Variants in PTGIS observed in about 807,000 individuals in gnomAD.
PTGIS encodes the protein prostaglandin I2 synthase.
PTGIS carries 45 observed loss-of-function variants against 50.3 expected under a neutral mutation model. That is an observed-to-expected ratio of 0.90 (90% CI 0.70 to 1.15). The LOEUF (loss-of-function observed/expected upper bound fraction) is 1.15. Ranked by LOEUF, PTGIS falls within the 50% of genes most tolerant of loss-of-function variation. The pLI, the probability that PTGIS is intolerant of heterozygous loss-of-function variation, is 0.00. For missense variants in PTGIS, 668 were observed against 661.3 expected (o/e 1.01, Z -0.11); for synonymous variants, 260 against 267.7 (o/e 0.97, Z 0.28).
chr20:49,542,657 C>G (rs1417077411), intron 4 of PTGIS, among the ~76,000 whole-genome samples: 2 of 152,214 alleles, frequency 1.3e-5, no homozygotes, highest in Admixed American at 1.3e-4. Flanking sequence ...CTCTGGACCT[C>G]AGTCCCCATC....
At chr20:49,551,806 T>TTGTGTGTGTG (rs58517059) in intron 1 of PTGIS, among the ~76,000 whole-genome samples, 7 of 142,680 alleles carry the variant, frequency 4.9e-5, no homozygotes, top group Admixed American at 1.4e-4. Flanking sequence ...GTGTATGTGT[T>TTGTGTGTGTG]TGTGTGTGTG....
intron 5 of PTGIS, among the ~76,000 whole-genome samples, chr20:49,531,320 G>A (rs1981929184): frequency 6.6e-6 from 1 of 152,182 alleles, no homozygotes; most frequent in African/African-American, 2.4e-5. Context: ...TGAGCTTGGT[G>A]GCTCAACCTG....
intron 4 of PTGIS, among the ~76,000 whole-genome samples, chr20:49,544,050 T>C (rs1283963844): frequency 1.3e-5 from 2 of 152,238 alleles, no homozygotes; most frequent in Admixed American, 6.5e-5. Context: ...TCTGAAGTCT[T>C]GCTCTGTGAC....
Position 49,540,001 on chromosome 20 carries a change from G to A in PTGIS, c.522-280C>T, listed in dbSNP as rs1395656043. On this transcript the variant is annotated intron_variant, in intron 4 of 9. Coordinates refer to ENST00000244043, the MANE Select transcript of PTGIS (RefSeq NM_000961.4). The surrounding 1 kb of genome is among the most constrained non-coding windows in gnomAD (Gnocchi z 4.8). ...CCGCGGCACTGTCAGACACAAAGCT[G>A]GGTAGCAGGATGGGAGGGCGGGGGC... 2.0e-5 allele frequency among the ~76,000 whole-genome samples: 3 copies of A among 152,226 alleles called. No homozygotes were observed. The highest frequency in any genetic ancestry group is 6.5e-5 in the Admixed American group (1 of 15,282).
intron 6 of PTGIS, among the ~76,000 whole-genome samples, chr20:49,516,046 T>G (rs1397165301): frequency 1.1e-5 from 1 of 92,372 alleles, no homozygotes; most frequent in African/African-American, 3.3e-5. Context: ...CAGCTAGGTT[T>G]TTTTTTTTTT....
intron 3 of PTGIS, 68 bp from the exon 4 acceptor site, chr20:49,544,516 C>G: frequency 1.3e-6 from 2 of 1,581,320 alleles, no homozygotes; most frequent in Non-Finnish European, 1.7e-6. Context: ...AGGCACCTCC[C>G]TCCCCAAACC....
intron 1 of PTGIS, among the ~76,000 whole-genome samples, chr20:49,563,827 C>T (rs1424954593): frequency 5.3e-5 from 8 of 152,228 alleles, no homozygotes; most frequent in Admixed American, 5.2e-4. Context: ...CCTTCCGGAC[C>T]CCCAGAAAAG....
chr20:49,514,467 C>T (rs1408870254), intron 6 of PTGIS, 72 bp from the exon 7 acceptor site: 26 of 1,555,688 alleles, frequency 1.7e-5, no homozygotes, highest in South Asian at 1.4e-4. Context: ...GGACACAGCT[C>T]GGGCCAAGAC....
At chr20:49,560,362 C>A (rs567036909) in intron 1 of PTGIS, among the ~76,000 whole-genome samples, 1 of 152,230 alleles carries the variant, frequency 6.6e-6, no homozygotes, top group Non-Finnish European at 1.5e-5. Context: ...TGCCATCACA[C>A]CTGACTTTGT....
intron 1 of PTGIS, 36 bp from the exon 2 acceptor site, chr20:49,550,225 G>T: frequency 6.2e-7 from 1 of 1,606,244 alleles, no homozygotes. Flanking sequence ...CATTTGATAA[G>T]GCAAGGAAGG....
At chr20:49,538,634 A>G (rs974781287) in intron 5 of PTGIS, among the ~76,000 whole-genome samples, 10 of 152,052 alleles carry the variant, frequency 6.6e-5, no homozygotes, top group African/African-American at 2.2e-4. Context: ...GGGAAAGAGC[A>G]TAAAATGTTT....
intron 6 of PTGIS, among the ~76,000 whole-genome samples, chr20:49,518,210 C>T (rs550119957): frequency 2.6e-5 from 4 of 152,242 alleles, no homozygotes; most frequent in South Asian, 4.2e-4. Flanking sequence ...AAGAATATCC[C>T]GAGTGTGATG....
chr20:49,511,946 T>A (rs1294754057), intron 8 of PTGIS, among the ~76,000 whole-genome samples: 3 of 151,184 alleles, frequency 2.0e-5, no homozygotes, highest in African/African-American at 7.3e-5. Context: ...AATGGATGAA[T>A]GGACAAATGG....
chr20:49,527,685 T>C (rs1981826322), intron 5 of PTGIS, among the ~76,000 whole-genome samples: 1 of 152,226 alleles, frequency 6.6e-6, no homozygotes, highest in South Asian at 2.1e-4. Flanking sequence ...GGCATGGTTA[T>C]ACAACATTGT....
At chr20:49,528,549 G>A (rs979982440) in intron 5 of PTGIS, among the ~76,000 whole-genome samples, 2 of 152,174 alleles carry the variant, frequency 1.3e-5, no homozygotes, top group African/African-American at 4.8e-5. Flanking sequence ...GAACCCAGGA[G>A]GCAGAGGTTG....
At chr20:49,509,881 CTTTTTTTTTTTTT>C (rs11337451) in intron 9 of PTGIS, among the ~76,000 whole-genome samples, 1 of 93,380 alleles carries the variant, frequency 1.1e-5, no homozygotes, top group Non-Finnish European at 2.0e-5. Flanking sequence ...TTCTTTCTTT[CTTTTTTTTTTTTT>C]TTTTTTTTTC....
At chr20:49,521,266 G>A (rs1220736032) in intron 6 of PTGIS, among the ~76,000 whole-genome samples, 2 of 152,192 alleles carry the variant, frequency 1.3e-5, no homozygotes, top group Non-Finnish European at 2.9e-5. Context: ...GACTTGCCAG[G>A]AAGTGTCAAA....
intron 6 of PTGIS, among the ~76,000 whole-genome samples, chr20:49,523,231 C>A (rs73124173): frequency 0.012 from 1,770 of 152,124 alleles, 11 homozygotes; most frequent in Non-Finnish European, 0.019. Flanking sequence ...TGTGGTCATG[C>A]AGGAGATGTT....
At chr20:49,531,508 C>T (rs1446476982) in intron 5 of PTGIS, among the ~76,000 whole-genome samples, 3 of 152,152 alleles carry the variant, frequency 2.0e-5, no homozygotes, top group African/African-American at 7.2e-5. Flanking sequence ...ACTTCCATTC[C>T]TAATTATTTC....
Sources: gnomAD v4.1 joint callset for allele counts (sites outside exome capture counted in the v4.1 genomes callset) on GRCh38, gnomAD v4.1.1 for gene constraint, Gnocchi (gnomAD v3.1) non-coding constraint, MANE v1.5 for transcripts, NCBI Gene and HGNC (gene_info 2026-07-23, HGNC 2026-07-21) for gene names.